NCKAP1: variants seen among roughly 807,000 people sequenced by gnomAD.
The protein encoded by NCKAP1 is NCK associated protein 1, also known as nck-associated protein 1.
In NCKAP1, 21 loss-of-function variants were observed where a neutral mutation model predicts 151.2. That is an observed-to-expected ratio of 0.14 (90% CI 0.10 to 0.20). NCKAP1 has a LOEUF of 0.20. Ranked by LOEUF, NCKAP1 falls within the 10% of genes least tolerant of loss-of-function variation. The pLI is 1.00. For missense variants in NCKAP1, 933 were observed against 1,352.1 expected (o/e 0.69, Z 4.86); for synonymous variants, 484 against 451.8 (o/e 1.07, Z -0.90).
intron 6 of NCKAP1, among the ~76,000 whole-genome samples, chr2:182,997,875 A>C (rs1698300612): frequency 6.6e-6 from 1 of 152,168 alleles, no homozygotes; most frequent in Non-Finnish European, 1.5e-5. Flanking sequence ...ACAACAACAA[A>C]AAAAGAAAAC....
Position 182,976,816 on chromosome 2 carries a change from A to T in NCKAP1, c.1482+77T>A, listed in dbSNP as rs1575042471. ...ATTTTCAATAGGTATATAACAATGA[A>T]TATTTTATAGTTGTTATAAAATTTT... On this transcript the variant is annotated intron_variant, in intron 15 of 30. Transcript: ENST00000361354. 12 of 872,578 alleles carry T rather than the reference A, an allele frequency of 1.4e-5. No individual in the cohort carries two copies. In the East Asian group the frequency reaches 3.6e-4, roughly 26 times the overall value. 54.1% of individuals were successfully genotyped at this position (872,578 alleles called of 1,614,324 possible). A position where few individuals can be genotyped will look rare whatever the true frequency, so the allele number is the denominator to read the frequency against.
intron 23 of NCKAP1, among the ~76,000 whole-genome samples, chr2:182,946,666 T>G (rs115188603): frequency 0.013 from 1,967 of 150,902 alleles, 42 homozygotes; most frequent in African/African-American, 0.045. Flanking sequence ...TGTAGAGAAT[T>G]TTAAATGTCT....
Position 182,920,895 on chromosome 2 carries a change from A to AC in NCKAP1, c.*4806_*4807insG, listed in dbSNP as rs1696541153. ...GATGCAGCAAACACATGCATAAAAA[A>AC]AAAATCAGAAATAATGAAAGTAAAC... On this transcript the variant is annotated 3_prime_UTR_variant, in exon 31 of 31. Transcript: ENST00000361354. The AC allele has an allele frequency of 6.6e-6, 1 of 151,904 alleles. No homozygotes were observed. The highest frequency in any genetic ancestry group is 1.5e-5 in the Non-Finnish European group (1 of 67,972). 9.4% of individuals were successfully genotyped at this position (151,904 alleles called of 1,614,324 possible). A position where few individuals can be genotyped will look rare whatever the true frequency, so the allele number is the denominator to read the frequency against.
At chr2:182,968,512 A>C (rs1017884239) in intron 15 of NCKAP1, among the ~76,000 whole-genome samples, 1 of 152,188 alleles carries the variant, frequency 6.6e-6, no homozygotes, top group Non-Finnish European at 1.5e-5. Flanking sequence ...TGCAGCTATC[A>C]AATTTGAGGG....
At chr2:182,957,166 T>C (rs1168099352) in intron 19 of NCKAP1, 1 of 232,082 alleles carries the variant, frequency 4.3e-6, no homozygotes, top group African/African-American at 2.3e-5. Flanking sequence ...AAATTACAGA[T>C]TGCTTATAAT....
At chr2:182,977,747 G>A (rs988604723) in intron 14 of NCKAP1, among the ~76,000 whole-genome samples, 6 of 152,074 alleles carry the variant, frequency 3.9e-5, no homozygotes, top group African/African-American at 1.2e-4. Flanking sequence ...ATCATTAAAA[G>A]AATTTGTTTT....
rs879447800 is a variant in NCKAP1, at chr2:182,918,129, G to A, written c.*7573C>T. On this transcript the variant is annotated 3_prime_UTR_variant, in exon 31 of 31. Transcript: ENST00000361354. ...AAGGAATTTAAAGTTTTATGAGCTG[G>A]TTTCCACATTCATTTACAAAAATAA... is the stretch of plus-strand genomic sequence containing the variant. 6 of 152,258 alleles carry A rather than the reference G, an allele frequency of 3.9e-5. No individual in the cohort carries two copies. The highest frequency in any genetic ancestry group is 6.5e-5 in the Admixed American group (1 of 15,300). 9.4% of individuals were successfully genotyped at this position (152,258 alleles called of 1,614,324 possible). A position where few individuals can be genotyped will look rare whatever the true frequency, so the allele number is the denominator to read the frequency against.
chr2:183,002,171 G>T lies in NCKAP1; in HGVS notation c.468C>A (p.Ile156=), dbSNP rs150844521. The T allele has an allele frequency of 3.7e-6, 6 of 1,612,092 alleles. No individual in the cohort carries two copies. The African/African-American group carries it at 8.0e-5, about 22-fold the overall frequency. Residue 156 remains isoleucine, a synonymous_variant, in exon 5 of 31, where the codon ATC becomes ATA. Transcript: ENST00000361354. The part of the protein sequence containing the change: ...LLSRIEERKA[I]IGLYNYAHEM... ...CATGGGCATAGTTGTATAATCCAAT[G>T]ATTGCCTTCCTTTCTTCAATTCGAG...
Position 182,952,517 on chromosome 2 carries a change from A to G in NCKAP1, c.2504-15T>C. On this transcript the variant is annotated splice_polypyrimidine_tract_variant and intron_variant, in intron 22 of 30. Transcript: ENST00000361354. ...TGACCTCATTTCTGAAAGAAAACAT[A>G]CTTAATTTTATACTTCCGACAGAGC... 2 of 1,537,216 alleles carry G rather than the reference A, an allele frequency of 1.3e-6. No homozygotes were observed. Among genetic ancestry groups the G allele is most frequent in the Non-Finnish European group, 8.9e-7 (1 of 1,122,652 alleles).
At chr2:182,981,840 T>C (rs2105853320) in intron 12 of NCKAP1, among the ~76,000 whole-genome samples, 1 of 149,448 alleles carries the variant, frequency 6.7e-6, no homozygotes, top group Non-Finnish European at 1.5e-5. Flanking sequence ...ACCCAGGAGG[T>C]TGAGGTTGCA....
intron 1 of NCKAP1, among the ~76,000 whole-genome samples, chr2:183,025,189 A>T (rs1029582053): frequency 6.6e-6 from 1 of 152,208 alleles, no homozygotes; most frequent in African/African-American, 2.4e-5. Context: ...TATAGAGTTT[A>T]TACTGTTCAT....
chr2:183,035,406 T>A (rs938039048), intron 1 of NCKAP1, among the ~76,000 whole-genome samples: 16 of 152,172 alleles, frequency 1.1e-4, no homozygotes, highest in African/African-American at 3.4e-4. Flanking sequence ...CACTAAAATA[T>A]CATTTCCACT....
chr2:182,998,273 T>C (rs1698309981), intron 6 of NCKAP1, among the ~76,000 whole-genome samples: 1 of 151,876 alleles, frequency 6.6e-6, no homozygotes. Flanking sequence ...AAGACAAGGG[T>C]GTCTGTACTC....
chr2:182,944,580 G>T (rs921004103), intron 23 of NCKAP1, among the ~76,000 whole-genome samples: 1 of 152,028 alleles, frequency 6.6e-6, no homozygotes, highest in African/African-American at 2.4e-5. Context: ...ATAAGTACAC[G>T]TACATAGTGT....
rs1699143607 is a variant in NCKAP1, at chr2:183,038,149, G to A, written c.-50C>T. On this transcript the variant is annotated 5_prime_UTR_variant, in exon 1 of 31. Coordinates refer to ENST00000361354, the MANE Select transcript of NCKAP1 (RefSeq NM_013436.5). ...GCCGGCCGCCTCGCGCCCAGTCACG[G>A]GCCCGCGGCCTTCGCAGCAGCCTCT... is the stretch of plus-strand genomic sequence containing the variant. 7.3e-7 allele frequency: 1 copy of A among 1,376,738 alleles called. No individual in the cohort carries two copies. The highest frequency in any genetic ancestry group is 1.5e-5 in the African/African-American group (1 of 66,480). 85.3% of individuals were successfully genotyped at this position (1,376,738 alleles called of 1,614,324 possible). A position where few individuals can be genotyped will look rare whatever the true frequency, so the allele number is the denominator to read the frequency against.
intron 13 of NCKAP1, 43 bp from the exon 14 acceptor site, chr2:182,978,958 G>A (rs746494822): frequency 1.4e-6 from 2 of 1,379,398 alleles, no homozygotes; most frequent in Admixed American, 3.5e-5. Flanking sequence ...ATCTATAGTT[G>A]GGAAACAACT....
chr2:183,030,527 G>A (rs952424148), intron 1 of NCKAP1, among the ~76,000 whole-genome samples: 4 of 152,152 alleles, frequency 2.6e-5, no homozygotes, highest in African/African-American at 9.7e-5. Context: ...TGCTATTCGT[G>A]AGGGCACAGA....
intron 20 of NCKAP1, among the ~76,000 whole-genome samples, chr2:182,953,636 A>C (rs1006347230): frequency 1.3e-5 from 2 of 152,084 alleles, no homozygotes; most frequent in African/African-American, 4.8e-5. Flanking sequence ...CCTTGTCTCC[A>C]CTAAAAATAC....
rs1161033724 is a variant in NCKAP1, at chr2:183,038,257, G to A, written c.-158C>T. 4 of 450,088 alleles carry A rather than the reference G, an allele frequency of 8.9e-6. No individual in the cohort carries two copies. The highest frequency in any genetic ancestry group is 1.5e-5 in the Non-Finnish European group (4 of 262,804). 27.9% of individuals were successfully genotyped at this position (450,088 alleles called of 1,614,324 possible). A position where few individuals can be genotyped will look rare whatever the true frequency, so the allele number is the denominator to read the frequency against. On this transcript the variant is annotated 5_prime_UTR_variant, in exon 1 of 31. Coordinates refer to ENST00000361354, the MANE Select transcript of NCKAP1 (RefSeq NM_013436.5). ...CCTCGCGCCCCAATCCCGCGCCGGC[G>A]ACAGAGCGAGCCGCGGCGGACTCCT...
Sources: gnomAD v4.1 joint callset for allele counts (sites outside exome capture counted in the v4.1 genomes callset) on GRCh38, gnomAD v4.1.1 for gene constraint, MANE v1.5 for transcripts, NCBI Gene and HGNC (gene_info 2026-07-23, HGNC 2026-07-21) for gene names.